The following CSMD2 variants were observed in gnomAD, a reference collection of about 807,000 sequenced individuals.
CSMD2 encodes CUB and sushi domain-containing protein 2.
In CSMD2, 130 loss-of-function variants were observed where a neutral mutation model predicts 398.5. The ratio of observed to expected loss-of-function variants is 0.33; its 90% CI spans 0.28 to 0.38. The LOEUF is 0.38. Ranked by LOEUF, CSMD2 falls within the 10% of genes least tolerant of loss-of-function variation. CSMD2 has a pLI of 1.00. For synonymous variants in CSMD2, 1,828 were observed against 1,908.5 expected (o/e 0.96, Z 1.10); for missense variants, 3,829 against 4,764.9 (o/e 0.80, Z 5.78).
At chr1:33,906,614 T>C (rs1052099804) in intron 5 of CSMD2, among the ~76,000 whole-genome samples, 2 of 152,138 alleles carry the variant, frequency 1.3e-5, no homozygotes, top group African/African-American at 4.8e-5. Flanking sequence ...AGGTGGGGAA[T>C]GGTACCATAA....
intron 5 of CSMD2, among the ~76,000 whole-genome samples, chr1:33,855,313 C>T (rs1259375393): frequency 1.3e-5 from 2 of 152,154 alleles, no homozygotes; most frequent in Non-Finnish European, 2.9e-5. Flanking sequence ...TCCTGGTGGT[C>T]ATGTGTCCCA....
At chr1:33,517,349 C>A (rs1653855965) in intron 70 of CSMD2, among the ~76,000 whole-genome samples, 1 of 152,126 alleles carries the variant, frequency 6.6e-6, no homozygotes, top group Non-Finnish European at 1.5e-5. Context: ...AGCCACCAAC[C>A]CCAGCCGACC....
intron 49 of CSMD2, among the ~76,000 whole-genome samples, chr1:33,576,865 G>A (rs1280702597): frequency 2.0e-5 from 3 of 151,306 alleles, no homozygotes; most frequent in East Asian, 1.9e-4. Flanking sequence ...GGAAAAAACT[G>A]TCATAAATCA....
rs780786759 is a variant in CSMD2, at chr1:33,540,654, C to A, written c.9502G>T (p.Val3168Leu). 47 of 1,614,100 alleles carry A rather than the reference C, an allele frequency of 2.9e-5. No individual in the cohort carries two copies. Among genetic ancestry groups the A allele is most frequent in the Non-Finnish European group, 3.6e-5 (43 of 1,180,046 alleles). ...PPPLIPNGKV[V>L]GSDFMWGSSV... ...GAGCCCCACATGAAGTCAGACCCCACCACCTTCCCATTGGGGATGAGCGGA... is the reference window on the plus strand; with the variant it reads ...GAGCCCCACATGAAGTCAGACCCCAACACCTTCCCATTGGGGATGAGCGGA... Residue 3168 changes from valine to leucine, a missense_variant, in exon 60 of 71, where the codon GTG becomes TTG. Physicochemically the swap from Val to Leu is conservative, Grantham distance 32. Around this residue, in one of 5 missense-constraint regions of CSMD2, gnomAD observed 917 missense variants for 1,199.5 expected, o/e 0.76. Coordinates refer to ENST00000373381, the MANE Select transcript of CSMD2 (RefSeq NM_001281956.2).
At chr1:33,969,928 G>A (rs547010926) in intron 3 of CSMD2, among the ~76,000 whole-genome samples, 125 of 151,946 alleles carry the variant, frequency 8.2e-4, no homozygotes, top group African/African-American at 2.8e-3. Context: ...CCTCAACATG[G>A]AGAAACCCCA....
At chr1:34,081,047 A>G (rs561175967) in intron 2 of CSMD2, among the ~76,000 whole-genome samples, 1 of 152,284 alleles carries the variant, frequency 6.6e-6, no homozygotes, top group South Asian at 2.1e-4. Context: ...GAGTGGGAAA[A>G]CAGTGTACAA....
intron 66 of CSMD2, among the ~76,000 whole-genome samples, chr1:33,524,568 T>A (rs979763369): frequency 2.6e-5 from 4 of 152,176 alleles, no homozygotes; most frequent in Admixed American, 2.0e-4. Context: ...TTTTCTTTTG[T>A]TTGTTGACTG....
chr1:33,710,430 G>A (rs1455785031), intron 21 of CSMD2, among the ~76,000 whole-genome samples: 1 of 150,520 alleles, frequency 6.6e-6, no homozygotes, highest in Non-Finnish European at 1.5e-5. Context: ...TGAATGAATG[G>A]ATATGGAGTA....
In CSMD2 at chr1:33,569,405, C is replaced by T. The variant is rs763469104; in HGVS notation, c.8100G>A (p.Gly2700=). ...AGCGGACTTCAGAGCCACTCCAGAG[C>T]CCATTGGCCATGCACTCACGCACCC... ...GSRVRECMAN[G]LWSGSEVRCL... is the part of the protein sequence containing the mutation. Residue 2700 remains glycine, a synonymous_variant, in exon 52 of 71, where the codon GGG becomes GGA. Transcript: ENST00000373381. 1.2e-6 allele frequency: 2 copies of T among 1,614,040 alleles called. No individual in the cohort carries two copies. The highest frequency in any genetic ancestry group is 2.2e-5 in the South Asian group (2 of 90,976).
intron 25 of CSMD2, among the ~76,000 whole-genome samples, chr1:33,673,989 A>C (rs1350212386): frequency 6.6e-6 from 1 of 152,198 alleles, no homozygotes; most frequent in Non-Finnish European, 1.5e-5. Flanking sequence ...ACAACTGGTA[A>C]CAGCCGCTGC....
chr1:33,865,645 C>T (rs1437998511), intron 5 of CSMD2, among the ~76,000 whole-genome samples: 1 of 152,118 alleles, frequency 6.6e-6, no homozygotes, highest in Non-Finnish European at 1.5e-5. Context: ...TCCTGGGGGA[C>T]ACCGCAGTCC....
chr1:33,600,984 C>A lies in CSMD2; in HGVS notation c.6737G>T (p.Arg2246Leu). ...CATGCTCCGGGTGAAGACGCCGAGC[C>A]GTGGTGCTGTTTGCTGTGGCCCATC... ...IWDGPQQTAP[R>L]LGVFTRSMAK... Residue 2246 changes from arginine (R) to leucine (L), a missense_variant, in exon 44 of 71, where the codon CGG (arginine) becomes CTG (leucine). Physicochemically the swap from Arg to Leu is moderately radical, Grantham distance 102. This residue lies in a region of CSMD2 where 723 missense variants were observed against 758.6 expected (regional missense o/e 0.95). Transcript: ENST00000373381. 1 of 1,614,148 alleles carries A rather than the reference C, an allele frequency of 6.2e-7. No homozygotes were observed. Among genetic ancestry groups the A allele is most frequent in the East Asian group, 2.2e-5 (1 of 44,884 alleles).
At chr1:33,793,210 A>T (rs907816877) in intron 10 of CSMD2, among the ~76,000 whole-genome samples, 3 of 152,188 alleles carry the variant, frequency 2.0e-5, no homozygotes, top group Non-Finnish European at 4.4e-5. Flanking sequence ...GGGAGCGAAG[A>T]GGAGCCTATG....
At chr1:33,823,343 C>T (rs138965827) in intron 7 of CSMD2, among the ~76,000 whole-genome samples, 4 of 152,062 alleles carry the variant, frequency 2.6e-5, no homozygotes, top group East Asian at 1.9e-4. Context: ...TAAATCTCAG[C>T]GATCAGTTTA....
chr1:33,995,437 C>T (rs1570752264), intron 3 of CSMD2, among the ~76,000 whole-genome samples: 1 of 152,172 alleles, frequency 6.6e-6, no homozygotes, highest in South Asian at 2.1e-4. Context: ...TCTGGGACAT[C>T]GGACCTTGTC....
chr1:34,159,332 C>CA (rs1051162956), intron 1 of CSMD2, among the ~76,000 whole-genome samples: 6 of 66,714 alleles, frequency 9.0e-5, no homozygotes, highest in South Asian at 5.4e-4. Context: ...CAGCCTGCCC[C>CA]CCCCCCACCC....
chr1:33,563,693 T>C (rs1237983287), intron 53 of CSMD2, among the ~76,000 whole-genome samples: 1 of 152,082 alleles, frequency 6.6e-6, no homozygotes. Context: ...GCTTCTCTGA[T>C]TCCAGGCCAT....
chr1:33,918,865 G>A (rs1643857689), intron 4 of CSMD2, among the ~76,000 whole-genome samples: 1 of 152,212 alleles, frequency 6.6e-6, no homozygotes, highest in Admixed American at 6.5e-5. Flanking sequence ...TTGCTTCTCT[G>A]TTGTGATAAC....
chr1:33,605,032 G>A (rs1238195382), intron 42 of CSMD2, among the ~76,000 whole-genome samples: 1 of 152,172 alleles, frequency 6.6e-6, no homozygotes. Flanking sequence ...CAAGGGCTGG[G>A]TGTGTCTTCC....
Sources: allele counts gnomAD v4.1 joint callset (sites outside exome capture counted in the v4.1 genomes callset), GRCh38; gene constraint gnomAD v4.1.1; regional missense constraint gnomAD v4.1.1; transcripts MANE v1.5; gene names NCBI Gene and HGNC (gene_info 2026-07-23, HGNC 2026-07-21).